The following GSTZ1 variants were observed in gnomAD, a reference collection of about 807,000 sequenced individuals.
GSTZ1 encodes the protein maleylacetoacetate isomerase.
GSTZ1 carries 34 observed loss-of-function variants against 35.9 expected under a neutral mutation model. The observed-to-expected ratio is 0.95, with a 90% CI of 0.72 to 1.26. The LOEUF is 1.26. Among genes scored for constraint, GSTZ1 ranks in the 50% most tolerant of loss-of-function variants. The pLI is 0.00. For missense variants in GSTZ1, 263 were observed against 271.7 expected (o/e 0.97, Z 0.23); for synonymous variants, 93 against 101.2 (o/e 0.92, Z 0.49).
intron 2 of GSTZ1, chr14:77,325,259 C>G (rs1892261999): frequency 3.3e-6 from 1 of 304,870 alleles, no homozygotes. Flanking sequence ...TGGCCCTTCT[C>G]AGTTCTTATT....
chr14:77,330,320 C>T lies in GSTZ1; in HGVS notation c.485C>T (p.Ala162Val). The T allele has an allele frequency of 1.2e-6, 2 of 1,613,510 alleles. No homozygotes were observed. Among genetic ancestry groups the T allele is most frequent in the Non-Finnish European group, 1.7e-6 (2 of 1,179,422 alleles). Residue 162 changes from alanine (A) to valine (V), a missense_variant, in exon 8 of 9, where the codon GCT becomes GTT. Ala to Val is a moderately conservative substitution (Grantham distance 64, BLOSUM62 0). Transcript: ENST00000216465. Reference sequence around the variant, plus strand: ...CGGGACCTCTTTCAGGTGACCATGGCTGATCTGTGCTTGGTGCCTCAGGTG... The same window carrying T: ...CGGGACCTCTTTCAGGTGACCATGGTTGATCTGTGCTTGGTGCCTCAGGTG... Reference protein sequence around the residue: ...IYCVGDEVTMADLCLVPQVAN... With the variant: ...IYCVGDEVTMVDLCLVPQVAN...
At chr14:77,328,508 G>A (rs1454656901) in intron 5 of GSTZ1, 1 of 178,576 alleles carries the variant, frequency 5.6e-6, no homozygotes, top group African/African-American at 2.4e-5. Flanking sequence ...GCCCCAGAAA[G>A]GTGGAGTGAC....
At chr14:77,325,126 G>A in intron 2 of GSTZ1, 1 of 586,066 alleles carries the variant, frequency 1.7e-6, no homozygotes, top group Non-Finnish European at 3.1e-6. Context: ...TGGGAGGAAG[G>A]GGGTTGTTTT....
In GSTZ1 at chr14:77,331,296, C is replaced by A; in HGVS notation, c.*101C>A. 3 of 1,325,390 alleles carry A rather than the reference C, an allele frequency of 2.3e-6. No homozygotes were observed. Among genetic ancestry groups the A allele is most frequent in the South Asian group, 1.4e-5 (1 of 69,920 alleles). 82.1% of individuals were successfully genotyped at this position (1,325,390 alleles called of 1,614,324 possible). On this transcript the variant is annotated 3_prime_UTR_variant, in exon 9 of 9. Transcript: ENST00000216465. ...GTCTTAATTGAGGAGATGGGAGACT[C>A]GAACTCTAGCCCTGGATCTGCCTTC...
intron 5 of GSTZ1, chr14:77,328,832 A>G: frequency 2.2e-6 from 1 of 451,344 alleles, no homozygotes; most frequent in Non-Finnish European, 4.1e-6. Flanking sequence ...CACCTGCCAC[A>G]GCCATGGCCG....
At chr14:77,322,782 G>C (rs902349475) in intron 1 of GSTZ1, 2 of 882,244 alleles carry the variant, frequency 2.3e-6, no homozygotes, top group Admixed American at 1.2e-4. Flanking sequence ...CATCTTGGAA[G>C]GGCCTAGGTT....
At chr14:77,328,974 T>G in intron 5 of GSTZ1, 149 bp from the exon 6 acceptor site, 1 of 673,202 alleles carries the variant, frequency 1.5e-6, no homozygotes, top group Non-Finnish European at 2.7e-6. Flanking sequence ...GGCCCTTGGT[T>G]GAAGGAAGGG....
intron 8 of GSTZ1, among the ~76,000 whole-genome samples, chr14:77,330,677 C>T (rs771038641): frequency 3.3e-5 from 5 of 152,120 alleles, no homozygotes; most frequent in East Asian, 1.9e-4. Context: ...TGAGCTCTAC[C>T]TCTGCATCCT....
At chr14:77,321,605 C>T (rs1174683673) in intron 1 of GSTZ1, 14 of 1,088,342 alleles carry the variant, frequency 1.3e-5, no homozygotes, top group Admixed American at 4.4e-5. Flanking sequence ...GTCCCCGGGC[C>T]GGGCGCGGTG....
chr14:77,327,491 C>T lies in GSTZ1; in HGVS notation c.155C>T (p.Ala52Val), dbSNP rs749079421. ...CCACAGTTTTCTAAGGACTTCCAGG[C>T]ACTGAATCCTATGAAGCAGGTGCCA... ...GGQQFSKDFQ[A>V]LNPMKQVPTL... The change falls in exon 4 of 9, where the codon GCA becomes GTA. Residue 52 changes from alanine (A) to valine (V), a missense_variant. Transcript: ENST00000216465. 10 of 1,607,574 alleles carry T rather than the reference C, an allele frequency of 6.2e-6. No individual in the cohort carries two copies. The highest frequency in any genetic ancestry group is 7.7e-6 in the Non-Finnish European group (9 of 1,176,302).
chr14:77,322,467 G>A (rs1892069396), intron 1 of GSTZ1: 2 of 332,450 alleles, frequency 6.0e-6, no homozygotes, highest in Non-Finnish European at 8.6e-6. Flanking sequence ...AGATCCAAAG[G>A]TGTAATCCAA....
rs762428196 is a variant in GSTZ1, at chr14:77,321,394, G to A, written c.15+211G>A. ...GGGTTGGGCCAGAGGAGGCGGTCCT[G>A]GTAGGGAGTGCGTAGCAGGGTGGAG... On this transcript the variant is annotated intron_variant, in intron 1 of 8. Transcript: ENST00000216465. 9.8e-6 allele frequency: 15 copies of A among 1,529,710 alleles called. No individual in the cohort carries two copies. The South Asian group carries it at 1.7e-4, about 17-fold the overall frequency. 94.8% of individuals were successfully genotyped at this position (1,529,710 alleles called of 1,614,324 possible).
chr14:77,324,574 T>G, intron 1 of GSTZ1: 1 of 1,532,714 alleles, frequency 6.5e-7, no homozygotes, highest in Non-Finnish European at 8.7e-7. Context: ...GAGGGGACAT[T>G]TCCTGGGAGG....
At chr14:77,326,720 C>G in intron 2 of GSTZ1, 118 bp from the exon 3 acceptor site, 1 of 700,664 alleles carries the variant, frequency 1.4e-6, no homozygotes, top group Non-Finnish European at 2.5e-6. Flanking sequence ...CTTGACCACC[C>G]AGAAGTGTTA....
intron 1 of GSTZ1, among the ~76,000 whole-genome samples, chr14:77,322,138 G>A (rs1008944157): frequency 3.3e-5 from 5 of 152,202 alleles, no homozygotes; most frequent in Non-Finnish European, 7.4e-5. Context: ...CGTTAATAAT[G>A]TATAGTCCTC....
Position 77,330,366 on chromosome 14 carries a change from G to A in GSTZ1, c.524+7G>A. On this transcript the variant is annotated splice_region_variant and intron_variant, in intron 8 of 8. Coordinates refer to ENST00000216465, the MANE Select transcript of GSTZ1 (RefSeq NM_145870.3). Reference sequence around the variant, plus strand: ...AGGTGGCAAATGCTGAAAGGTAAGAGAGAGCCCCGCCACCCTCCCTTCTCG... The same window carrying A: ...AGGTGGCAAATGCTGAAAGGTAAGAAAGAGCCCCGCCACCCTCCCTTCTCG... 1.2e-6 allele frequency: 2 copies of A among 1,610,188 alleles called. No individual in the cohort carries two copies. The highest frequency in any genetic ancestry group is 1.7e-6 in the Non-Finnish European group (2 of 1,176,440).
chr14:77,324,366 CA>C, intron 1 of GSTZ1: 1 of 560,012 alleles, frequency 1.8e-6, no homozygotes, highest in South Asian at 2.0e-5. Flanking sequence ...AGGCTGGTCT[CA>C]AACTCCTCAC....
intron 6 of GSTZ1, 105 bp downstream of exon 6, chr14:77,329,306 C>T (rs1430742982): frequency 1.2e-6 from 1 of 811,640 alleles, no homozygotes; most frequent in Non-Finnish European, 2.2e-6. Flanking sequence ...CTGCTTTGGG[C>T]CTGACAGTTG....
At chr14:77,321,465 C>T in intron 1 of GSTZ1, 3 of 1,505,144 alleles carry the variant, frequency 2.0e-6, no homozygotes, top group South Asian at 2.4e-5. Context: ...TCCCTGCTCC[C>T]CATAACAGAC....
Sources: gnomAD v4.1 joint callset for allele counts (sites outside exome capture counted in the v4.1 genomes callset) on GRCh38, gnomAD v4.1.1 for gene constraint, MANE v1.5 for transcripts, NCBI Gene and HGNC (gene_info 2026-07-23, HGNC 2026-07-21) for gene names.